MSH3: variants seen among roughly 807,000 people sequenced by gnomAD.
MSH3 encodes the protein mutS homolog 3.
Under a neutral mutation model 123.3 loss-of-function variants are expected in MSH3, and 106 were observed. The observed-to-expected ratio is 0.86, with a 90% CI of 0.73 to 1.01. The LOEUF is 1.01. Among genes scored for constraint, MSH3 ranks in the 50% least tolerant of loss-of-function variants. The pLI is 0.00. For missense variants in MSH3, 1,459 were observed against 1,347.6 expected (o/e 1.08, Z -1.29); for synonymous variants, 515 against 481.4 (o/e 1.07, Z -0.91).
intron 15 of MSH3, among the ~76,000 whole-genome samples, chr5:80,773,636 A>G (rs1361686158): frequency 6.6e-6 from 1 of 152,258 alleles, no homozygotes; most frequent in African/African-American, 2.4e-5. Flanking sequence ...TGCATATAAT[A>G]AAACTGATAA....
intron 19 of MSH3, among the ~76,000 whole-genome samples, chr5:80,797,071 A>G (rs1744711725): frequency 2.0e-5 from 3 of 150,836 alleles, no homozygotes; most frequent in African/African-American, 7.3e-5. Context: ...ACACACTCCA[A>G]CATCCACCCA....
At chr5:80,798,972 A>G (rs962932415) in intron 19 of MSH3, among the ~76,000 whole-genome samples, 5 of 152,234 alleles carry the variant, frequency 3.3e-5, no homozygotes, top group Admixed American at 6.5e-5. Flanking sequence ...AAGCTCTCAC[A>G]TACTACTTTT....
chr5:80,758,599 A>G (rs1282430218), intron 12 of MSH3, among the ~76,000 whole-genome samples: 1 of 152,238 alleles, frequency 6.6e-6, no homozygotes, highest in Non-Finnish European at 1.5e-5. Context: ...AAACTGATTG[A>G]TAGTGAACAT....
chr5:80,766,691 G>A (rs1744130594), intron 13 of MSH3, among the ~76,000 whole-genome samples: 1 of 151,908 alleles, frequency 6.6e-6, no homozygotes, highest in South Asian at 2.1e-4. Flanking sequence ...TCAAGATGGA[G>A]AGAAATTAGA....
intron 18 of MSH3, among the ~76,000 whole-genome samples, chr5:80,792,009 CAA>C (rs1199450774): frequency 1.3e-5 from 2 of 151,996 alleles, no homozygotes; most frequent in African/African-American, 2.4e-5. Context: ...ATTCTTGTAT[CAA>C]AGTAAAAGAT....
intron 8 of MSH3, among the ~76,000 whole-genome samples, chr5:80,700,689 C>T (rs1172643379): frequency 1.3e-5 from 2 of 152,000 alleles, no homozygotes; most frequent in African/African-American, 4.8e-5. Flanking sequence ...TTTATAAGAA[C>T]ATTTGCCATG....
chr5:80,853,156 G>C (rs1449006673), intron 20 of MSH3, among the ~76,000 whole-genome samples: 1 of 152,150 alleles, frequency 6.6e-6, no homozygotes, highest in Non-Finnish European at 1.5e-5. Context: ...TTAAAGAAAA[G>C]CTGTGTACTA....
intron 12 of MSH3, among the ~76,000 whole-genome samples, chr5:80,750,272 A>T (rs1743809758): frequency 6.6e-6 from 1 of 152,098 alleles, no homozygotes; most frequent in African/African-American, 2.4e-5. Context: ...GAATTGCTGG[A>T]TCATATGGTA....
intron 12 of MSH3, among the ~76,000 whole-genome samples, chr5:80,744,989 T>C (rs1733935590): frequency 6.6e-6 from 1 of 152,004 alleles, no homozygotes; most frequent in Non-Finnish European, 1.5e-5. Context: ...TAAGTGGTAG[T>C]AGTGGTGGGA....
chr5:80,784,934 G>A (rs1194392221), intron 17 of MSH3, among the ~76,000 whole-genome samples: 1 of 152,048 alleles, frequency 6.6e-6, no homozygotes, highest in African/African-American at 2.4e-5. Flanking sequence ...AAATAAAGCT[G>A]GATAGTTAAA....
intron 8 of MSH3, among the ~76,000 whole-genome samples, chr5:80,702,030 A>C (rs527571184): frequency 7.2e-5 from 11 of 152,242 alleles, no homozygotes; most frequent in Admixed American, 5.9e-4. Flanking sequence ...AAAAAAACCC[A>C]AAAACCCTCT....
At chr5:80,801,828 T>C (rs1744795232) in intron 19 of MSH3, among the ~76,000 whole-genome samples, 1 of 152,226 alleles carries the variant, frequency 6.6e-6, no homozygotes, top group African/African-American at 2.4e-5. Flanking sequence ...GGGAGGAAAC[T>C]GAAGCCTAGA....
intron 10 of MSH3, among the ~76,000 whole-genome samples, chr5:80,731,264 A>G (rs900361243): frequency 3.3e-5 from 5 of 152,132 alleles, no homozygotes; most frequent in Non-Finnish European, 7.4e-5. Context: ...AGATGTCTAT[A>G]TATACTGAAA....
At chr5:80,668,659 A>G (rs992734871) in intron 3 of MSH3, among the ~76,000 whole-genome samples, 1 of 152,134 alleles carries the variant, frequency 6.6e-6, no homozygotes, top group Non-Finnish European at 1.5e-5. Context: ...CGGAGCAGGT[A>G]CTTCTGAGCC....
In MSH3 at chr5:80,672,911, G is replaced by T. The variant is rs185557248; in HGVS notation, c.1027+53G>T. On this transcript the variant is annotated intron_variant, in intron 6 of 23. Transcript: ENST00000265081. The stretch of plus-strand genomic sequence containing the variant: ...CTTAAATGATACAAGGGCTTTGTTG[G>T]CAGGTTTTGTTTGTTTGTTTGTTTG... 3.5e-4 allele frequency: 491 copies of T among 1,391,556 alleles called. 3 individuals are homozygous for T. The African/African-American group carries it at 5.9e-3, about 17-fold the overall frequency. 86.2% of individuals were successfully genotyped at this position (1,391,556 alleles called of 1,614,324 possible).
intron 8 of MSH3, among the ~76,000 whole-genome samples, chr5:80,681,237 A>T (rs1749962957): frequency 6.6e-6 from 1 of 152,172 alleles, no homozygotes; most frequent in Non-Finnish European, 1.5e-5. Context: ...TTAAAAGTCA[A>T]ACAGTAAACT....
At chr5:80,707,077 C>G (rs1054464754) in intron 8 of MSH3, among the ~76,000 whole-genome samples, 1 of 152,236 alleles carries the variant, frequency 6.6e-6, no homozygotes, top group Non-Finnish European at 1.5e-5. Flanking sequence ...TGATTTCTGT[C>G]ACTATAGGAT....
chr5:80,783,239 A>C (rs1237988946), intron 17 of MSH3, among the ~76,000 whole-genome samples: 1 of 152,182 alleles, frequency 6.6e-6, no homozygotes, highest in East Asian at 1.9e-4. Flanking sequence ...GTTAAATCAT[A>C]GTGCCTTGAC....
intron 8 of MSH3, among the ~76,000 whole-genome samples, chr5:80,717,274 A>G (rs1430412094): frequency 6.6e-6 from 1 of 152,098 alleles, no homozygotes; most frequent in Non-Finnish European, 1.5e-5. Flanking sequence ...ATTATAAAAA[A>G]TTCTTTTAAG....
Sources: gnomAD v4.1 joint callset for allele counts (sites outside exome capture counted in the v4.1 genomes callset) on GRCh38, gnomAD v4.1.1 for gene constraint, MANE v1.5 for transcripts, NCBI Gene and HGNC (gene_info 2026-07-23, HGNC 2026-07-21) for gene names.